PPFIA2: variants seen among roughly 807,000 people sequenced by gnomAD.
PPFIA2 encodes PPFI scaffold protein A2, also known as liprin-alpha-2.
A neutral mutation model predicts 175.5 loss-of-function variants in PPFIA2; 46 were observed. That is an observed-to-expected ratio of 0.26 (90% CI 0.21 to 0.34). PPFIA2 has a LOEUF of 0.34. Ranked by LOEUF, PPFIA2 falls within the 10% of genes least tolerant of loss-of-function variation. The pLI, the probability that PPFIA2 is intolerant of heterozygous loss-of-function variation, is 1.00. For missense variants in PPFIA2, 1,179 were observed against 1,506.1 expected (o/e 0.78, Z 3.60); for synonymous variants, 568 against 511.4 (o/e 1.11, Z -1.49).
intron 4 of PPFIA2, among the ~76,000 whole-genome samples, chr12:81,643,797 G>T (rs1211711627): frequency 3.3e-5 from 5 of 151,986 alleles, no homozygotes. Flanking sequence ...AGAGTGATAT[G>T]ACTTGAGGTC....
chr12:81,292,962 C>A (rs1464733994), intron 24 of PPFIA2: 1 of 151,124 alleles, frequency 6.6e-6, no homozygotes, highest in Admixed American at 6.6e-5. Flanking sequence ...TTAAATTTGA[C>A]CTTTTATTTC....
intron 4 of PPFIA2, among the ~76,000 whole-genome samples, chr12:81,581,850 C>G (rs1472007698): frequency 2.6e-5 from 4 of 151,822 alleles, no homozygotes; most frequent in Non-Finnish European, 5.9e-5. Context: ...CTGCTGCTTT[C>G]AACTGCAAGC....
intron 4 of PPFIA2, among the ~76,000 whole-genome samples, chr12:81,668,221 G>A (rs900765941): frequency 1.5e-4 from 23 of 152,162 alleles, no homozygotes; most frequent in Non-Finnish European, 2.6e-4. Flanking sequence ...TGCCCTAGCA[G>A]GCAGTCATCA....
chr12:81,394,307 T>C (rs927052184), intron 8 of PPFIA2, among the ~76,000 whole-genome samples: 2 of 151,946 alleles, frequency 1.3e-5, no homozygotes, highest in Admixed American at 6.6e-5. Context: ...TTTTAGATAG[T>C]CAAAAAAGAG....
At chr12:81,451,964 A>C (rs780285853) in intron 5 of PPFIA2, among the ~76,000 whole-genome samples, 11 of 152,222 alleles carry the variant, frequency 7.2e-5, no homozygotes, top group Non-Finnish European at 1.3e-4. Context: ...TTCTCACAGA[A>C]AGTACAAATG....
chr12:81,516,501 T>TA (rs1247771528), intron 4 of PPFIA2, among the ~76,000 whole-genome samples: 2 of 152,174 alleles, frequency 1.3e-5, no homozygotes, highest in African/African-American at 4.8e-5. Flanking sequence ...TTGCAGACGT[T>TA]AAAAATAAGT....
chr12:81,488,447 CAGAG>C (rs967783015), intron 4 of PPFIA2, among the ~76,000 whole-genome samples: 1 of 151,710 alleles, frequency 6.6e-6, no homozygotes, highest in African/African-American at 2.4e-5. Context: ...AACACACCCA[CAGAG>C]AGACAAAGGA....
chr12:81,449,197 C>T (rs1000388996), intron 5 of PPFIA2, among the ~76,000 whole-genome samples: 25 of 152,200 alleles, frequency 1.6e-4, no homozygotes, highest in African/African-American at 4.6e-4. Flanking sequence ...GGGCTTCCCA[C>T]GATTAAGACT....
intron 4 of PPFIA2, among the ~76,000 whole-genome samples, chr12:81,504,351 T>C (rs1032662083): frequency 2.0e-5 from 3 of 152,056 alleles, no homozygotes; most frequent in Non-Finnish European, 4.4e-5. Context: ...GAACAGACAC[T>C]TCTCAAAAGA....
At chr12:81,415,200 AAAAAAAAAAAATATATATATATAT>A (rs2044824429) in intron 7 of PPFIA2, among the ~76,000 whole-genome samples, 2 of 54,740 alleles carry the variant, frequency 3.7e-5, no homozygotes, top group Non-Finnish European at 7.2e-5. Context: ...AAAAAAAAAA[AAAAAAAAAAAATATATATATATAT>A]ATATATATAT....
chr12:81,370,594 C>T (rs1040813901), intron 11 of PPFIA2, among the ~76,000 whole-genome samples: 1 of 151,830 alleles, frequency 6.6e-6, no homozygotes, highest in African/African-American at 2.4e-5. Flanking sequence ...TGATTTGTTG[C>T]TGTGGAAACA....
intron 28 of PPFIA2, among the ~76,000 whole-genome samples, chr12:81,271,551 G>A (rs145887078): frequency 2.0e-3 from 301 of 152,284 alleles, no homozygotes; most frequent in African/African-American, 6.9e-3. Flanking sequence ...TTATAGGCAT[G>A]AGCCACCATG....
intron 18 of PPFIA2, among the ~76,000 whole-genome samples, chr12:81,345,680 G>A (rs2058949138): frequency 6.6e-6 from 1 of 152,108 alleles, no homozygotes; most frequent in African/African-American, 2.4e-5. Context: ...CTTGAATGCT[G>A]ACTAAATTTT....
At chr12:81,352,115 T>C (rs896244699) in intron 17 of PPFIA2, among the ~76,000 whole-genome samples, 1 of 152,098 alleles carries the variant, frequency 6.6e-6, no homozygotes, top group Non-Finnish European at 1.5e-5. Context: ...CTTCAATTCA[T>C]AGGCCGAAGC....
rs1201470325 is a variant in PPFIA2, at chr12:81,258,752, G to C, written c.*942C>G. 6.6e-6 allele frequency: 1 copy of C among 152,032 alleles called. No individual in the cohort carries two copies. The highest frequency in any genetic ancestry group is 1.5e-5 in the Non-Finnish European group (1 of 68,020). The allele number at this position is 152,032 out of a possible 1,614,324, so 9.4% of individuals were successfully genotyped here. A position where few individuals can be genotyped will look rare whatever the true frequency, so the allele number is the denominator to read the frequency against. ...GGTATCTTGGGTTTCGTTTTCTCTA[G>C]TGGAAATGAGCCTCAGACTCTGCGG... is the stretch of plus-strand genomic sequence containing the variant. On this transcript the variant is annotated 3_prime_UTR_variant, in exon 33 of 33. Transcript: ENST00000549396.
chr12:81,375,351 G>A (rs536161171), intron 10 of PPFIA2, among the ~76,000 whole-genome samples: 9 of 152,194 alleles, frequency 5.9e-5, no homozygotes, highest in African/African-American at 1.9e-4. Flanking sequence ...TTTGGCCCAC[G>A]GCTATAGTTT....
intron 3 of PPFIA2, among the ~76,000 whole-genome samples, chr12:81,702,660 C>T (rs979764108): frequency 1.3e-5 from 2 of 152,070 alleles, no homozygotes; most frequent in African/African-American, 4.8e-5. Context: ...TCTGGTTTCT[C>T]CTTGTCAAAC....
intron 7 of PPFIA2, among the ~76,000 whole-genome samples, chr12:81,410,346 T>C (rs1251093743): frequency 6.6e-6 from 1 of 152,288 alleles, no homozygotes; most frequent in East Asian, 1.9e-4. Flanking sequence ...ATTTGGGGTC[T>C]ACTAAATCAG....
At chr12:81,505,523 G>A (rs940507453) in intron 4 of PPFIA2, among the ~76,000 whole-genome samples, 3 of 152,098 alleles carry the variant, frequency 2.0e-5, no homozygotes, top group Non-Finnish European at 4.4e-5. Context: ...CTCTGCAAGT[G>A]AGCCTAATCT....
Sources: allele counts gnomAD v4.1 joint callset (sites outside exome capture counted in the v4.1 genomes callset), GRCh38; gene constraint gnomAD v4.1.1; transcripts MANE v1.5; gene names NCBI Gene and HGNC (gene_info 2026-07-23, HGNC 2026-07-21).